The following SNX29 variants were observed in gnomAD, a reference collection of about 807,000 sequenced individuals.
SNX29 encodes the protein sorting nexin 29.
A neutral mutation model predicts 102.1 loss-of-function variants in SNX29; 78 were observed. That is an observed-to-expected ratio of 0.76 (90% CI 0.64 to 0.92). SNX29 has a LOEUF of 0.92. Ranked by LOEUF, SNX29 falls within the 40% of genes least tolerant of loss-of-function variation. The probability of loss-of-function intolerance (pLI) is 0.00; values close to 1 mark genes in which losing one functional copy is unlikely to be tolerated. For missense variants in SNX29, 1,280 were observed against 1,061.7 expected (o/e 1.21, Z -2.86); for synonymous variants, 580 against 414.5 (o/e 1.40, Z -4.85).
chr16:12,488,946 A>T (rs530754551), intron 19 of SNX29, among the ~76,000 whole-genome samples: 1 of 152,230 alleles, frequency 6.6e-6, no homozygotes, highest in South Asian at 2.1e-4. Context: ...TTATAAGACA[A>T]CTTGACTCCG....
intron 17 of SNX29, among the ~76,000 whole-genome samples, chr16:12,402,175 A>G (rs7200172): frequency 0.34 from 51,225 of 152,168 alleles, 10,642 homozygotes; most frequent in East Asian, 0.56. Flanking sequence ...GAAGTGATCA[A>G]TGGGGTTTAA....
intron 18 of SNX29, among the ~76,000 whole-genome samples, chr16:12,414,043 C>T (rs368940192): frequency 6.6e-6 from 1 of 152,156 alleles, no homozygotes; most frequent in Non-Finnish European, 1.5e-5. Flanking sequence ...ATACCTAGTA[C>T]AATGCAAATA....
chr16:12,039,353 A>G (rs3915876), intron 4 of SNX29, among the ~76,000 whole-genome samples: 52,191 of 147,362 alleles, frequency 0.35, 8,178 homozygotes, highest in Middle Eastern at 0.44. Context: ...TGGTTGAGTG[A>G]CTTGCTCAAG....
rs902729663 is a variant in SNX29 at position 12,568,377 on chromosome 16, C to T, written c.2319-129C>T. ...TTCTTCAGGTGGCACCAGTTAGAGG[C>T]AGATCCAATGAGCCAGTCACAGTTG... On this transcript the variant is annotated intron_variant, in intron 20 of 20. Transcript: ENST00000566228. 107 of 1,244,036 alleles carry T rather than the reference C, an allele frequency of 8.6e-5. 1 individual carries two copies. Among genetic ancestry groups the T allele is most frequent in the Non-Finnish European group, 1.1e-4 (102 of 897,718 alleles). 77.1% of individuals were successfully genotyped at this position (1,244,036 alleles called of 1,614,324 possible).
chr16:12,158,084 CT>C (rs879385475), intron 13 of SNX29, among the ~76,000 whole-genome samples: 320 of 144,976 alleles, frequency 2.2e-3, no homozygotes, highest in Middle Eastern at 0.011. Flanking sequence ...GTTGCTGCTG[CT>C]TTTTTTTTTT....
At chr16:12,139,311 G>A (rs1319773821) in intron 13 of SNX29, among the ~76,000 whole-genome samples, 1 of 151,156 alleles carries the variant, frequency 6.6e-6, no homozygotes, top group Non-Finnish European at 1.5e-5. Context: ...AGGTATTCCT[G>A]AATAGCGTTA....
intron 20 of SNX29, among the ~76,000 whole-genome samples, chr16:12,550,203 G>T (rs2077882569): frequency 6.6e-6 from 1 of 152,196 alleles, no homozygotes; most frequent in South Asian, 2.1e-4. Context: ...AGAGGATAAA[G>T]CATGGAAGAG....
chr16:12,359,126 G>T (rs28718927), intron 16 of SNX29, among the ~76,000 whole-genome samples: 3,586 of 152,254 alleles, frequency 0.024, 152 homozygotes, highest in African/African-American at 0.082. Context: ...GCGGTCTTGT[G>T]GGACTGAGCC....
chr16:12,512,778 CA>C (rs2089688987), intron 19 of SNX29, among the ~76,000 whole-genome samples: 1 of 152,234 alleles, frequency 6.6e-6, no homozygotes, highest in South Asian at 2.1e-4. Context: ...GAAGTGAAGT[CA>C]AAGAGATGTC....
At chr16:12,403,884 C>T (rs916792426) in intron 18 of SNX29, among the ~76,000 whole-genome samples, 1 of 152,166 alleles carries the variant, frequency 6.6e-6, no homozygotes, top group African/African-American at 2.4e-5. Flanking sequence ...CAGGAACCTG[C>T]TGCCATATCC....
intron 16 of SNX29, among the ~76,000 whole-genome samples, chr16:12,362,884 G>A (rs759679966): frequency 1.1e-4 from 17 of 152,110 alleles, no homozygotes; most frequent in Non-Finnish European, 2.1e-4. Flanking sequence ...CTCCCTTTGG[G>A]TTTCAGTGAT....
intron 15 of SNX29, among the ~76,000 whole-genome samples, chr16:12,286,548 T>A (rs906035673): frequency 6.6e-6 from 1 of 151,988 alleles, no homozygotes; most frequent in African/African-American, 2.4e-5. Context: ...GGTTTCACCG[T>A]GTAAGCCAGG....
chr16:12,542,976 C>T (rs1385447251), intron 20 of SNX29, among the ~76,000 whole-genome samples: 1 of 152,138 alleles, frequency 6.6e-6, no homozygotes, highest in African/African-American at 2.4e-5. Flanking sequence ...GTACTTACTA[C>T]TCCTGTAACT....
intron 18 of SNX29, among the ~76,000 whole-genome samples, chr16:12,414,652 G>A (rs2084550351): frequency 6.6e-6 from 1 of 152,172 alleles, no homozygotes; most frequent in Non-Finnish European, 1.5e-5. Flanking sequence ...TAGAAGTCCT[G>A]CAAAGACATT....
chr16:12,483,279 G>C (rs2088057023), intron 19 of SNX29, among the ~76,000 whole-genome samples: 1 of 150,146 alleles, frequency 6.7e-6, no homozygotes, highest in South Asian at 2.1e-4. Flanking sequence ...AAAGTGGTGA[G>C]ATTACAGGTG....
At chr16:12,518,550 G>A (rs1332166868) in intron 19 of SNX29, among the ~76,000 whole-genome samples, 1 of 152,110 alleles carries the variant, frequency 6.6e-6, no homozygotes, top group Non-Finnish European at 1.5e-5. Context: ...GCAGTGACAC[G>A]CTCTCTCCAG....
At chr16:12,322,005 G>C (rs1244949225) in intron 15 of SNX29, among the ~76,000 whole-genome samples, 1 of 152,174 alleles carries the variant, frequency 6.6e-6, no homozygotes, top group African/African-American at 2.4e-5. Context: ...TCCAGGTAAG[G>C]GGGGATTCCA....
At position 12,011,189 on chromosome 16, in the gene SNX29, G is replaced by GTT. The variant is rs369528003; in HGVS notation, c.122+8164_122+8165dup. On this transcript the variant is annotated intron_variant, in intron 3 of 20. Transcript: ENST00000566228. The stretch of plus-strand genomic sequence containing the variant: ...TGCTTGATTAAATGAATTGCTTGGG[G>GTT]TTTTTTTTTTTTTTTTTTTGAAAAA... Among the ~76,000 whole-genome samples the GTT allele has an allele frequency of 6.6e-3, 823 of 123,982 alleles. 7 individuals carry two copies. The highest frequency in any genetic ancestry group is 0.017 in the African/African-American group (569 of 33,464). 81.3% of individuals were successfully genotyped at this position (123,982 alleles called of 152,430 possible). A position where few individuals can be genotyped will look rare whatever the true frequency, so the allele number is the denominator to read the frequency against.
chr16:12,563,370 C>T (rs1027253763), intron 20 of SNX29, among the ~76,000 whole-genome samples: 5 of 152,152 alleles, frequency 3.3e-5, no homozygotes, highest in Non-Finnish European at 5.9e-5. Flanking sequence ...TTTATCGCCA[C>T]GTTGATATTT....
Sources: gnomAD v4.1 joint callset for allele counts (sites outside exome capture counted in the v4.1 genomes callset) on GRCh38, gnomAD v4.1.1 for gene constraint, MANE v1.5 for transcripts, NCBI Gene and HGNC (gene_info 2026-07-23, HGNC 2026-07-21) for gene names.